The following NHSL2 variants were observed in gnomAD, a reference collection of about 807,000 sequenced individuals.
The protein encoded by NHSL2 is NHS-like protein 2.
A neutral mutation model predicts 53.4 loss-of-function variants in NHSL2; 27 were observed. The ratio of observed to expected loss-of-function variants is 0.51; its 90% CI spans 0.37 to 0.70. The LOEUF is 0.70. Ranked by LOEUF, NHSL2 falls within the 30% of genes least tolerant of loss-of-function variation. NHSL2 has a pLI of 0.00. For missense variants in NHSL2, 892 were observed against 980.1 expected (o/e 0.91, Z 1.20); for synonymous variants, 408 against 404.1 (o/e 1.01, Z -0.12).
chrX:72,016,605 A>C (rs2042136846), intron 1 of NHSL2, among the ~76,000 whole-genome samples: 1 of 111,185 alleles, frequency 9.0e-6, no homozygotes, highest in South Asian at 3.8e-4. Flanking sequence ...CAGAAAGACC[A>C]CTGGGGCCTG....
intron 1 of NHSL2, among the ~76,000 whole-genome samples, chrX:72,018,200 G>T (rs1386255454): frequency 9.0e-6 from 1 of 111,529 alleles, no homozygotes; most frequent in African/African-American, 3.3e-5. Context: ...TTGCTTGTGT[G>T]GGGGTGAGGA....
intron 1 of NHSL2, among the ~76,000 whole-genome samples, chrX:71,926,132 G>C (rs769698996): frequency 3.1e-4 from 35 of 111,675 alleles, no homozygotes; most frequent in African/African-American, 1.1e-3. Context: ...TAGCATTTTT[G>C]CCTTTCTTTC....
chrX:72,135,767 G>A (rs965347535), intron 4 of NHSL2, among the ~76,000 whole-genome samples: 4 of 112,406 alleles, frequency 3.6e-5, no homozygotes, highest in Admixed American at 1.9e-4. Flanking sequence ...AGGCACAGTG[G>A]CTCACGCCTG....
chrX:72,038,831 G>C (rs1162270459), intron 1 of NHSL2, among the ~76,000 whole-genome samples: 1 of 110,945 alleles, frequency 9.0e-6, no homozygotes, highest in African/African-American at 3.3e-5. Flanking sequence ...AGGACATAAT[G>C]GTATATATAG....
chrX:72,091,534 T>C (rs1344758253), intron 1 of NHSL2, among the ~76,000 whole-genome samples: 1 of 112,302 alleles, frequency 8.9e-6, no homozygotes, highest in East Asian at 2.8e-4. Flanking sequence ...ACTAGCTGTA[T>C]ATAGGAGTGC....
At chrX:72,042,640 C>T (rs1190361736) in intron 1 of NHSL2, among the ~76,000 whole-genome samples, 1 of 109,841 alleles carries the variant, frequency 9.1e-6, no homozygotes, top group Non-Finnish European at 1.9e-5. Context: ...TAGAACTGGA[C>T]CACACCTAAT....
At position 72,138,616 on chromosome X, in the gene NHSL2, C is replaced by G; in HGVS notation, c.1068C>G (p.His356Gln). Residue 356 changes from histidine to glutamine, a missense_variant, in exon 6 of 8, where the codon CAC (histidine) becomes CAG (glutamine). By Grantham distance (24) the His-to-Gln change is conservative (BLOSUM62 0). Coordinates refer to ENST00000633930, the MANE Select transcript of NHSL2 (RefSeq NM_001013627.3). The stretch of plus-strand genomic sequence containing the variant: ...CTTCCAGTGAGCCGGACGAACCTCA[C>G]CAGGCACGGAGTGGCCCAAACCCTC... ...RTPSSEPDEP[H>Q]QARSGPNPPG... 1 of 1,168,031 alleles carries G rather than the reference C, an allele frequency of 8.6e-7. No individual in the cohort carries two copies. Among genetic ancestry groups the G allele is most frequent in the Non-Finnish European group, 1.1e-6 (1 of 872,623 alleles).
At chrX:72,011,541 G>A (rs367709083) in intron 1 of NHSL2, among the ~76,000 whole-genome samples, 3 of 110,938 alleles carry the variant, frequency 2.7e-5, no homozygotes, top group Non-Finnish European at 3.8e-5. Context: ...GTGGTGGTGC[G>A]CACCTGTAGT....
chrX:71,937,685 A>G (rs1363288538), intron 1 of NHSL2, among the ~76,000 whole-genome samples: 2 of 112,006 alleles, frequency 1.8e-5, no homozygotes, highest in East Asian at 2.8e-4. Flanking sequence ...GTGGTTTCCT[A>G]TCTCTAATAA....
intron 1 of NHSL2, among the ~76,000 whole-genome samples, chrX:71,915,744 T>A (rs991124097): frequency 8.9e-6 from 1 of 111,797 alleles, no homozygotes; most frequent in Non-Finnish European, 1.9e-5. Flanking sequence ...CTAGAAGCCA[T>A]GCCTTCTGAC....
chrX:72,099,555 G>T (rs1006264818), intron 1 of NHSL2, among the ~76,000 whole-genome samples: 1 of 109,298 alleles, frequency 9.1e-6, no homozygotes, highest in South Asian at 3.9e-4. Flanking sequence ...ATTTTTAGTA[G>T]AGATGGGATT....
intron 1 of NHSL2, among the ~76,000 whole-genome samples, chrX:71,918,309 A>G (rs1274977850): frequency 3.6e-5 from 4 of 111,640 alleles, no homozygotes; most frequent in Non-Finnish European, 7.5e-5. Flanking sequence ...TTCTTTCTGA[A>G]TAGCATAGAT....
intron 1 of NHSL2, among the ~76,000 whole-genome samples, chrX:71,923,730 G>T (rs926079661): frequency 8.9e-6 from 1 of 111,862 alleles, no homozygotes; most frequent in Non-Finnish European, 1.9e-5. Context: ...CAGGCTGCAG[G>T]CTGTTGTTTG....
chrX:72,081,155 G>A (rs1305558354), intron 1 of NHSL2, among the ~76,000 whole-genome samples: 3 of 112,427 alleles, frequency 2.7e-5, no homozygotes, highest in African/African-American at 9.7e-5. Context: ...GACCAAAACC[G>A]AAGTCCCATG....
intron 1 of NHSL2, among the ~76,000 whole-genome samples, chrX:71,947,651 AGAT>A (rs1229214734): frequency 8.9e-6 from 1 of 111,861 alleles, no homozygotes; most frequent in Non-Finnish European, 1.9e-5. Context: ...CAACCTTGTG[AGAT>A]GATGATGTTA....
intron 1 of NHSL2, among the ~76,000 whole-genome samples, chrX:71,952,703 C>T (rs1384482145): frequency 1.8e-5 from 2 of 110,521 alleles, no homozygotes; most frequent in African/African-American, 3.3e-5. Context: ...TTCCAACATA[C>T]GAATTTTGGG....
chrX:72,140,623 T>C lies in NHSL2; in HGVS notation c.3075T>C (p.Tyr1025=). 8.2e-7 allele frequency: 1 copy of C among 1,212,170 alleles called. No homozygotes were observed. Among genetic ancestry groups the C allele is most frequent in the East Asian group, 3.0e-5 (1 of 33,850 alleles). ...LTSPTAQMEA[Y]VAEPRLPLSP... is the part of the protein sequence containing the mutation. Reference sequence around the variant, plus strand: ...CTCCCACAGCTCAAATGGAGGCCTATGTGGCAGAACCAAGGCTGCCTCTCA... The same window carrying C: ...CTCCCACAGCTCAAATGGAGGCCTACGTGGCAGAACCAAGGCTGCCTCTCA... Residue 1025 remains tyrosine, a synonymous_variant, in exon 6 of 8, where the codon TAT becomes TAC. Coordinates refer to ENST00000633930, the MANE Select transcript of NHSL2 (RefSeq NM_001013627.3).
At chrX:72,137,281 C>T (rs2042364254) in intron 5 of NHSL2, 56 bp downstream of exon 5, 1 of 1,066,053 alleles carries the variant, frequency 9.4e-7, no homozygotes. Flanking sequence ...TCCTGCCAAT[C>T]CTGCCACCCA....
intron 1 of NHSL2, among the ~76,000 whole-genome samples, chrX:72,063,831 C>T (rs2042412824): frequency 9.1e-6 from 1 of 110,032 alleles, no homozygotes; most frequent in African/African-American, 3.3e-5. Flanking sequence ...AATACTGTAC[C>T]GTGGGAATTA....
Sources: allele counts gnomAD v4.1 joint callset (sites outside exome capture counted in the v4.1 genomes callset), GRCh38; gene constraint gnomAD v4.1.1; transcripts MANE v1.5; gene names NCBI Gene and HGNC (gene_info 2026-07-23, HGNC 2026-07-21).